The following NIBAN2 variants were observed in gnomAD, a reference collection of about 807,000 sequenced individuals.
NIBAN2 encodes niban apoptosis regulator 2.
Under a neutral mutation model 81.8 loss-of-function variants are expected in NIBAN2, and 36 were observed. The ratio of observed to expected loss-of-function variants is 0.44; its 90% CI spans 0.34 to 0.58. NIBAN2 has a LOEUF of 0.58. Ranked by LOEUF, NIBAN2 falls within the 20% of genes least tolerant of loss-of-function variation. The probability of loss-of-function intolerance (pLI) is 0.02; values close to 1 mark genes in which losing one functional copy is unlikely to be tolerated. For synonymous variants in NIBAN2, 445 were observed against 441.6 expected, an observed-to-expected ratio of 1.01 and a Z score of -0.10; for missense variants, 897 against 1,014.1, an observed-to-expected ratio of 0.88 and a Z score of 1.57.
intron 1 of NIBAN2, among the ~76,000 whole-genome samples, chr9:127,560,449 G>A (rs1837753587): frequency 6.6e-6 from 1 of 151,966 alleles, no homozygotes; most frequent in Non-Finnish European, 1.5e-5. Context: ...GCCTGAAAAT[G>A]CCTCCAAGGC....
At chr9:127,535,563 G>A (rs183267812) in intron 1 of NIBAN2, among the ~76,000 whole-genome samples, 1 of 152,280 alleles carries the variant, frequency 6.6e-6, no homozygotes, top group African/African-American at 2.4e-5. Context: ...CTGAAGGTCA[G>A]GTCCCTGGAC....
chr9:127,551,783 G>A (rs577882935), intron 1 of NIBAN2, among the ~76,000 whole-genome samples: 5 of 152,162 alleles, frequency 3.3e-5, no homozygotes, highest in African/African-American at 1.2e-4. Context: ...GGGAGCTGCT[G>A]CCAGGCTGGC....
chr9:127,534,524 C>A (rs543844936), intron 1 of NIBAN2, among the ~76,000 whole-genome samples: 12 of 152,280 alleles, frequency 7.9e-5, no homozygotes, highest in Admixed American at 2.0e-4. Flanking sequence ...ATGTCACACA[C>A]CATGCCTCAC....
At chr9:127,530,703 TG>T (rs1837162696) in intron 2 of NIBAN2, among the ~76,000 whole-genome samples, 1 of 152,154 alleles carries the variant, frequency 6.6e-6, no homozygotes, top group African/African-American at 2.4e-5. Flanking sequence ...GTGAAGGAGG[TG>T]TTCTCATCCC....
chr9:127,566,960 G>A (rs569426224), intron 1 of NIBAN2, among the ~76,000 whole-genome samples: 1 of 147,874 alleles, frequency 6.8e-6, no homozygotes, highest in African/African-American at 2.5e-5. Context: ...GGCATTTAAA[G>A]AGGATTATAA....
intron 1 of NIBAN2, among the ~76,000 whole-genome samples, chr9:127,554,095 G>T (rs1454311883): frequency 6.6e-6 from 1 of 152,184 alleles, no homozygotes; most frequent in Non-Finnish European, 1.5e-5. Flanking sequence ...CACAGCCACT[G>T]GGGGCTCAGA....
intron 1 of NIBAN2, 102 bp downstream of exon 1, chr9:127,568,718 C>T (rs1040823214): frequency 9.4e-7 from 1 of 1,067,892 alleles, no homozygotes; most frequent in Non-Finnish European, 1.2e-6. Flanking sequence ...GGCCTGACTC[C>T]CCCGAGCCCC....
At chr9:127,556,671 C>T (rs998901662) in intron 1 of NIBAN2, among the ~76,000 whole-genome samples, 8 of 152,224 alleles carry the variant, frequency 5.3e-5, no homozygotes, top group Non-Finnish European at 1.0e-4. Context: ...ACCTAGGGTA[C>T]TTGTTCAGCT....
Position 127,507,010 on chromosome 9 carries a change from C to T in NIBAN2, c.2076G>A (p.Ser692=), listed in dbSNP as rs771082774. Reference sequence around the variant, plus strand: ...GATGCTGGAGGGGTGAGGCAGGCGGCGAGGAGGCCTCGGGGGCGGCCTTAG... The same window carrying T: ...GATGCTGGAGGGGTGAGGCAGGCGGTGAGGAGGCCTCGGGGGCGGCCTTAG... ...PQPKAAPEAS[S]PPASPLQHLL... The change falls in exon 14 of 14, where the codon TCG becomes TCA. Residue 692 remains serine, a synonymous_variant. Coordinates refer to ENST00000373312, the MANE Select transcript of NIBAN2 (RefSeq NM_022833.4). The surrounding 1 kb of genome is among the most constrained non-coding windows in gnomAD (Gnocchi z 6.8). The T allele has an allele frequency of 2.5e-6, 4 of 1,593,258 alleles. No individual in the cohort carries two copies. In the Admixed American group the frequency reaches 5.1e-5, roughly 20 times the overall value.
chr9:127,509,223 G>C (rs1351891613), intron 9 of NIBAN2, 92 bp from the exon 10 acceptor site: 19 of 1,306,222 alleles, frequency 1.5e-5, no homozygotes, highest in Non-Finnish European at 1.7e-5. Flanking sequence ...CGAAGTCCAG[G>C]CCCTGGGGCT....
intron 5 of NIBAN2, among the ~76,000 whole-genome samples, chr9:127,520,705 G>A (rs1311082088): frequency 6.6e-6 from 1 of 152,046 alleles, no homozygotes; most frequent in Non-Finnish European, 1.5e-5. Flanking sequence ...CACGAGATCA[G>A]GAGATCAAGA....
chr9:127,546,536 C>T (rs937008554), intron 1 of NIBAN2, among the ~76,000 whole-genome samples: 1 of 152,180 alleles, frequency 6.6e-6, no homozygotes, highest in African/African-American at 2.4e-5. Context: ...TCAAGCCCTT[C>T]CCCCAAGATG....
Position 127,559,584 on chromosome 9 carries a change from A to G in NIBAN2, c.55+9236T>C, listed in dbSNP as rs1837734892. Reference sequence around the variant, plus strand: ...TCTTCTAGAAGGTGCTAAGCTTCACAAATTCGGCTGGACACAAATAGTTCT... The same window carrying G: ...TCTTCTAGAAGGTGCTAAGCTTCACGAATTCGGCTGGACACAAATAGTTCT... On this transcript the variant is annotated intron_variant, in intron 1 of 13. Transcript: ENST00000373312. This position sits in a 1 kb window ranked among gnomAD's most constrained non-coding sequence, Gnocchi z 4.0. Among the ~76,000 whole-genome samples, 1 of 152,232 alleles carries G rather than the reference A, an allele frequency of 6.6e-6. No homozygotes were observed. Among genetic ancestry groups the G allele is most frequent in the Admixed American group, 6.5e-5 (1 of 15,286 alleles).
rs558651428 is a variant in NIBAN2 at position 127,540,162 on chromosome 9, G to T, written c.56-8384C>A. Among the ~76,000 whole-genome samples, 252 of 152,306 alleles carry T rather than the reference G, an allele frequency of 1.7e-3. 1 individual carries two copies. Among genetic ancestry groups the T allele is most frequent in the Non-Finnish European group, 2.5e-3 (168 of 68,034 alleles). On this transcript the variant is annotated intron_variant, in intron 1 of 13. Coordinates refer to ENST00000373312, the MANE Select transcript of NIBAN2 (RefSeq NM_022833.4). ...CAACAGCAGCCAAGGCGGCCGGAAC[G>T]TTAATTAATCTCTGATTTTCCAAAC...
chr9:127,578,932 C>G (rs1046698644), exon 1 of NIBAN2: 2 of 1,610,760 alleles, frequency 1.2e-6, no homozygotes, highest in Non-Finnish European at 1.7e-6. Context: ...CTCCCATCCA[C>G]CCCATCCTCC....
intron 1 of NIBAN2, among the ~76,000 whole-genome samples, chr9:127,562,093 G>A (rs1442894923): frequency 6.6e-6 from 1 of 152,182 alleles, no homozygotes; most frequent in African/African-American, 2.4e-5. Context: ...CTGGTCAGAG[G>A]CTGTGAGTCT....
intron 1 of NIBAN2, among the ~76,000 whole-genome samples, chr9:127,541,465 A>G (rs1034585804): frequency 6.6e-6 from 1 of 152,192 alleles, no homozygotes; most frequent in Non-Finnish European, 1.5e-5. Flanking sequence ...AAATGACATG[A>G]ACTCTGAACA....
At chr9:127,544,454 A>G (rs1837435107) in intron 1 of NIBAN2, among the ~76,000 whole-genome samples, 1 of 152,078 alleles carries the variant, frequency 6.6e-6, no homozygotes, top group Non-Finnish European at 1.5e-5. Flanking sequence ...CATGAACCCT[A>G]TAAGGGCACA....
intron 1 of NIBAN2, among the ~76,000 whole-genome samples, chr9:127,540,794 G>A (rs1837364015): frequency 6.6e-6 from 1 of 152,228 alleles, no homozygotes; most frequent in African/African-American, 2.4e-5. Flanking sequence ...CCCTGGTTTG[G>A]CCCCAGTGGA....
Sources: gnomAD v4.1 joint callset for allele counts (sites outside exome capture counted in the v4.1 genomes callset) on GRCh38, gnomAD v4.1.1 for gene constraint, Gnocchi (gnomAD v3.1) non-coding constraint, MANE v1.5 for transcripts, NCBI Gene and HGNC (gene_info 2026-07-23, HGNC 2026-07-21) for gene names.